Variants in STK32C observed in about 807,000 individuals in gnomAD.
STK32C encodes serine/threonine kinase 32C.
Under a neutral mutation model 56.5 loss-of-function variants are expected in STK32C, and 31 were observed. The observed-to-expected ratio is 0.55, with a 90% CI of 0.41 to 0.74. The LOEUF (loss-of-function observed/expected upper bound fraction) is 0.74. Among genes scored for constraint, STK32C ranks in the 30% least tolerant of loss-of-function variants. STK32C has a pLI of 0.00. For synonymous variants in STK32C, 309 were observed against 289.4 expected (o/e 1.07, Z -0.69); for missense variants, 544 against 676.9 (o/e 0.80, Z 2.18).
intron 1 of STK32C, among the ~76,000 whole-genome samples, chr10:132,276,454 C>T (rs1341993429): frequency 6.6e-6 from 1 of 152,190 alleles, no homozygotes; most frequent in Non-Finnish European, 1.5e-5. Flanking sequence ...TCACCACAGG[C>T]ACTCAGAGCA....
chr10:132,247,576 G>A (rs1171987570), intron 1 of STK32C, among the ~76,000 whole-genome samples: 1 of 152,160 alleles, frequency 6.6e-6, no homozygotes, highest in East Asian at 1.9e-4. Flanking sequence ...GCTGGGGGAA[G>A]GGAGGGGGTG....
intron 2 of STK32C, among the ~76,000 whole-genome samples, chr10:132,241,837 C>T (rs534501991): frequency 6.6e-5 from 10 of 152,242 alleles, no homozygotes; most frequent in Admixed American, 2.6e-4. Flanking sequence ...CCACGAGCAG[C>T]GGCTCACAGC....
At chr10:132,210,874 G>A (rs1317142822) in intron 10 of STK32C, among the ~76,000 whole-genome samples, 3 of 152,202 alleles carry the variant, frequency 2.0e-5, no homozygotes. Context: ...CGGGAATGTG[G>A]ACTCTCTCTT....
intron 10 of STK32C, among the ~76,000 whole-genome samples, chr10:132,213,644 TAG>T (rs1192198399): frequency 6.6e-6 from 1 of 151,838 alleles, no homozygotes; most frequent in Non-Finnish European, 1.5e-5. Context: ...AGGAAAAAAA[TAG>T]AGTGTGAAGA....
chr10:132,271,373 A>T (rs2064816274), intron 1 of STK32C, among the ~76,000 whole-genome samples: 1 of 152,216 alleles, frequency 6.6e-6, no homozygotes, highest in South Asian at 2.1e-4. Context: ...AGAGAGCTGC[A>T]AGAATAGCAT....
intron 1 of STK32C, among the ~76,000 whole-genome samples, chr10:132,280,651 A>ATCACCACACTCCACTCCG (rs1554877022): frequency 1.9e-4 from 22 of 118,212 alleles, no homozygotes; most frequent in Non-Finnish European, 3.2e-4. Context: ...ACTCCACTCC[A>ATCACCACACTCCACTCCG]TGATCACCAC....
At chr10:132,215,546 G>A (rs1258941670) in intron 10 of STK32C, among the ~76,000 whole-genome samples, 1 of 149,334 alleles carries the variant, frequency 6.7e-6, no homozygotes, top group Non-Finnish European at 1.5e-5. Flanking sequence ...TGTAAGATGT[G>A]ACTTGCTCCT....
downstream of STK32C, among the ~76,000 whole-genome samples, chr10:132,320,452 G>A (rs540996109): frequency 2.1e-4 from 32 of 152,238 alleles, no homozygotes; most frequent in African/African-American, 7.7e-4. Context: ...AAACTTAAGA[G>A]TGGGAAGAGG....
At chr10:132,253,748 G>A (rs1171002493) in intron 1 of STK32C, among the ~76,000 whole-genome samples, 2 of 152,244 alleles carry the variant, frequency 1.3e-5, no homozygotes, top group Admixed American at 6.5e-5. Flanking sequence ...GGCTCGAGGC[G>A]AGAGATGGCC....
chr10:132,237,366 G>A (rs192876178), intron 2 of STK32C, among the ~76,000 whole-genome samples: 13 of 152,354 alleles, frequency 8.5e-5, no homozygotes, highest in East Asian at 7.7e-4. Flanking sequence ...CGCCTGTCGA[G>A]GGAAGAAAAT....
intron 1 of STK32C, among the ~76,000 whole-genome samples, chr10:132,317,555 C>G (rs1199431742): frequency 6.6e-6 from 1 of 151,938 alleles, no homozygotes; most frequent in African/African-American, 2.4e-5. Context: ...AGCCTGGCAA[C>G]ATAATGACAT....
intron 1 of STK32C, among the ~76,000 whole-genome samples, chr10:132,303,581 A>T (rs2065972979): frequency 6.6e-6 from 1 of 152,252 alleles, no homozygotes; most frequent in Non-Finnish European, 1.5e-5. Context: ...GCCATCCCAC[A>T]GGACACATGC....
intron 8 of STK32C, among the ~76,000 whole-genome samples, chr10:132,223,245 A>T (rs1436320507): frequency 2.0e-5 from 3 of 152,214 alleles, no homozygotes; most frequent in Admixed American, 6.5e-5. Flanking sequence ...AGGACAGCAG[A>T]GGGATCTGCA....
chr10:132,313,819 G>C (rs977465515), intron 1 of STK32C, among the ~76,000 whole-genome samples: 1 of 152,246 alleles, frequency 6.6e-6, no homozygotes, highest in Non-Finnish European at 1.5e-5. Flanking sequence ...ACAAGGACCA[G>C]GTCAAGAGGC....
At chr10:132,258,649 G>A (rs1289343754) in intron 1 of STK32C, among the ~76,000 whole-genome samples, 2 of 152,252 alleles carry the variant, frequency 1.3e-5, no homozygotes, top group Non-Finnish European at 2.9e-5. Context: ...GGTCCTCTGG[G>A]CACCTAACGC....
At chr10:132,234,732 G>C (rs1162029398) in intron 2 of STK32C, among the ~76,000 whole-genome samples, 1 of 152,192 alleles carries the variant, frequency 6.6e-6, no homozygotes, top group Non-Finnish European at 1.5e-5. Context: ...TGGCTGCCTC[G>C]AGCCTGTGGC....
chr10:132,261,772 TAA>T (rs1396699560), intron 1 of STK32C, among the ~76,000 whole-genome samples: 4 of 151,754 alleles, frequency 2.6e-5, no homozygotes, highest in Non-Finnish European at 1.5e-5. Flanking sequence ...CTCAAAAAAA[TAA>T]AATAAAAAAG....
chr10:132,296,821 G>A (rs974579956), intron 1 of STK32C, among the ~76,000 whole-genome samples: 2 of 152,208 alleles, frequency 1.3e-5, no homozygotes, highest in Non-Finnish European at 2.9e-5. Flanking sequence ...GATGTCCCAG[G>A]CGACCCCGGG....
At chr10:132,254,947 C>G (rs910254882) in intron 1 of STK32C, among the ~76,000 whole-genome samples, 2 of 151,928 alleles carry the variant, frequency 1.3e-5, no homozygotes, top group African/African-American at 4.8e-5. Flanking sequence ...GCAGGCGTGT[C>G]CCAGGCCTGG....
Sources: allele counts gnomAD v4.1 joint callset (sites outside exome capture counted in the v4.1 genomes callset), GRCh38; gene constraint gnomAD v4.1.1; transcripts MANE v1.5; gene names NCBI Gene and HGNC (gene_info 2026-07-23, HGNC 2026-07-21).